Variants in ANK2 observed in about 807,000 individuals in gnomAD.
ANK2 encodes ankyrin-2.
Under a neutral mutation model 360.5 loss-of-function variants are expected in ANK2, and 83 were observed. The observed-to-expected ratio is 0.23, with a 90% CI of 0.19 to 0.28. ANK2 has a LOEUF of 0.28. Ranked by LOEUF, ANK2 falls within the 10% of genes least tolerant of loss-of-function variation. The pLI, the probability that ANK2 is intolerant of heterozygous loss-of-function variation, is 1.00. For missense variants in ANK2, 4,201 were observed against 4,795.7 expected, an observed-to-expected ratio of 0.88 and a Z score of 3.66; for synonymous variants, 1,740 against 1,759.5, an observed-to-expected ratio of 0.99 and a Z score of 0.28.
intron 24 of ANK2, chr4:113,317,498 C>G (rs574202982): frequency 3.3e-6 from 2 of 606,762 alleles, no homozygotes; most frequent in Non-Finnish European, 6.0e-6. Flanking sequence ...CCCTTGTGCT[C>G]TTGCCATTGA....
At chr4:112,994,471 T>G (rs751956387) in intron 2 of ANK2, among the ~76,000 whole-genome samples, 1 of 152,212 alleles carries the variant, frequency 6.6e-6, no homozygotes, top group Non-Finnish European at 1.5e-5. Context: ...CATAGGAGAA[T>G]AAGCTAAAAA....
chr4:113,021,543 T>C (rs200484144), intron 2 of ANK2, among the ~76,000 whole-genome samples: 19,329 of 39,856 alleles, frequency 0.48, 3,151 homozygotes, highest in Middle Eastern at 0.59. Context: ...CACACAAACA[T>C]ATATATATAT....
chr4:112,964,231 C>T (rs2036166512), intron 2 of ANK2, among the ~76,000 whole-genome samples: 1 of 150,860 alleles, frequency 6.6e-6, no homozygotes, highest in Non-Finnish European at 1.5e-5. Context: ...CTTTGTGTCA[C>T]AAACAATCCA....
chr4:113,138,074 A>G (rs551386895), intron 1 of ANK2, among the ~76,000 whole-genome samples: 11 of 152,338 alleles, frequency 7.2e-5, no homozygotes, highest in Middle Eastern at 3.4e-3. Flanking sequence ...AATGATACAT[A>G]TTCAGGGTAT....
the ANK2 span, among the ~76,000 whole-genome samples, chr4:112,732,925 C>CA: frequency 2.1e-4 from 31 of 149,516 alleles, no homozygotes; most frequent in South Asian, 4.3e-4. Context: ...ACTAAAAATA[C>CA]AAAAAAAAAG....
At chr4:113,235,745 G>C (rs2153551202) in intron 5 of ANK2, among the ~76,000 whole-genome samples, 1 of 134,826 alleles carries the variant, frequency 7.4e-6, no homozygotes, top group Admixed American at 7.6e-5. Flanking sequence ...CTAGAATGCA[G>C]TCTTTCTTTT....
chr4:112,926,696 T>C (rs1351660188), intron 2 of ANK2, among the ~76,000 whole-genome samples: 1 of 152,206 alleles, frequency 6.6e-6, no homozygotes, highest in Non-Finnish European at 1.5e-5. Flanking sequence ...GAAATGCTAA[T>C]ACACTTTGTC....
intron 1 of ANK2, among the ~76,000 whole-genome samples, chr4:112,835,109 G>A (rs1173157312): frequency 1.3e-5 from 2 of 152,204 alleles, no homozygotes; most frequent in Admixed American, 6.5e-5. Flanking sequence ...TTTGGGTGGT[G>A]TCAGCCTCAT....
intron 1 of ANK2, among the ~76,000 whole-genome samples, chr4:112,838,390 A>G (rs1187212008): frequency 6.6e-6 from 1 of 152,216 alleles, no homozygotes; most frequent in Admixed American, 6.5e-5. Context: ...ACTAATACAG[A>G]GGCCCTGCTG....
chr4:112,824,568 G>A lies in ANK2; in HGVS notation c.-40+6304G>A, dbSNP rs188708912. 2.9e-3 allele frequency among the ~76,000 whole-genome samples: 429 copies of A among 150,076 alleles called. 1 individual carries two copies. Among genetic ancestry groups the A allele is most frequent in the African/African-American group, 0.01 (408 of 40,722 alleles). ...CACCCAGGCTGGAGTGCAGTGGTGC[G>A]ATCTCAGCTCACTGCAACCTCCGCC... On this transcript the variant is annotated intron_variant, in intron 1 of 30. Transcript: ENST00000503271.
chr4:113,159,535 A>G (rs1377113222), intron 1 of ANK2, among the ~76,000 whole-genome samples: 2 of 152,142 alleles, frequency 1.3e-5, no homozygotes, highest in Non-Finnish European at 2.9e-5. Flanking sequence ...CAATAATTAA[A>G]GCTTATATAT....
At chr4:112,864,859 C>G (rs2069697422) in intron 1 of ANK2, among the ~76,000 whole-genome samples, 1 of 150,006 alleles carries the variant, frequency 6.7e-6, no homozygotes, top group Admixed American at 6.6e-5. Context: ...GTTGAAACCC[C>G]GTCTCTACTA....
At chr4:113,131,094 C>A (rs1259550774) in intron 1 of ANK2, among the ~76,000 whole-genome samples, 1 of 152,156 alleles carries the variant, frequency 6.6e-6, no homozygotes, top group Non-Finnish European at 1.5e-5. Flanking sequence ...AAAACTGTAA[C>A]AGTTTTTAAT....
the ANK2 span, chr4:112,738,896 A>C: frequency 1.5e-6 from 1 of 684,320 alleles, no homozygotes; most frequent in African/African-American, 1.8e-5. Flanking sequence ...CAAAAAAACA[A>C]AAAACAAAGC....
chr4:113,019,271 C>A (rs2057439678), intron 2 of ANK2, among the ~76,000 whole-genome samples: 2 of 152,182 alleles, frequency 1.3e-5, no homozygotes, highest in African/African-American at 4.8e-5. Context: ...AATGGAAACA[C>A]AGAGCGTGTT....
intron 5 of ANK2, among the ~76,000 whole-genome samples, chr4:113,236,601 CTT>C (rs995596906): frequency 1.3e-5 from 2 of 152,172 alleles, no homozygotes; most frequent in African/African-American, 4.8e-5. Context: ...GTCACCATAT[CTT>C]TGATTCCCAG....
chr4:113,037,969 A>G (rs2061969208), intron 2 of ANK2, among the ~76,000 whole-genome samples: 1 of 152,072 alleles, frequency 6.6e-6, no homozygotes, highest in Non-Finnish European at 1.5e-5. Context: ...TTTTCCTAGT[A>G]TAGAGTTTGA....
At chr4:112,989,099 C>T (rs1368711401) in intron 2 of ANK2, among the ~76,000 whole-genome samples, 1 of 152,086 alleles carries the variant, frequency 6.6e-6, no homozygotes, top group Non-Finnish European at 1.5e-5. Flanking sequence ...TTGATCTTAG[C>T]CAAAAGGCTG....
intron 45 of ANK2, among the ~76,000 whole-genome samples, chr4:113,380,694 A>G (rs1050699006): frequency 6.6e-6 from 1 of 152,242 alleles, no homozygotes; most frequent in Non-Finnish European, 1.5e-5. Flanking sequence ...TTTCTCAAGT[A>G]ACCACCAGTC....
Sources: allele counts gnomAD v4.1 joint callset (sites outside exome capture counted in the v4.1 genomes callset), GRCh38; gene constraint gnomAD v4.1.1; transcripts MANE v1.5; gene names NCBI Gene and HGNC (gene_info 2026-07-23, HGNC 2026-07-21).